STPG2: variants seen among roughly 807,000 people sequenced by gnomAD.
The protein encoded by STPG2 is sperm tail PG-rich repeat containing 2.
A neutral mutation model predicts 54.2 loss-of-function variants in STPG2; 56 were observed. That is an observed-to-expected ratio of 1.03 (90% confidence interval 0.83 to 1.29). STPG2 has a LOEUF of 1.29. Ranked by LOEUF, STPG2 falls within the 50% of genes most tolerant of loss-of-function variation. The probability of loss-of-function intolerance (pLI) is 0.00; values close to 1 mark genes in which losing one functional copy is unlikely to be tolerated. For synonymous variants in STPG2, 200 were observed against 181.8 expected (o/e 1.10, Z -0.81); for missense variants, 596 against 544.9 (o/e 1.09, Z -0.93).
chr4:97,461,954 AT>A (rs1183255847), intron 4 of STPG2, among the ~76,000 whole-genome samples: 8 of 152,108 alleles, frequency 5.3e-5, no homozygotes, highest in Admixed American at 2.6e-4. Context: ...ATTGAATGTC[AT>A]TCAATATATC....
intron 8 of STPG2, among the ~76,000 whole-genome samples, chr4:97,928,915 T>C (rs759461858): frequency 6.6e-6 from 1 of 152,132 alleles, no homozygotes; most frequent in Non-Finnish European, 1.5e-5. Flanking sequence ...TGGGGGTCCA[T>C]GTGAAGGTTT....
chr4:97,699,938 G>T (rs565206310), intron 10 of STPG2, among the ~76,000 whole-genome samples: 1 of 152,306 alleles, frequency 6.6e-6, no homozygotes, highest in East Asian at 1.9e-4. Flanking sequence ...TTTAATGAGA[G>T]AATGCTGCTG....
intron 9 of STPG2, 86 bp downstream of exon 9, chr4:97,840,687 A>G: frequency 6.9e-7 from 1 of 1,458,798 alleles, no homozygotes; most frequent in Non-Finnish European, 9.3e-7. Flanking sequence ...TTCAGTCTCC[A>G]AGAACCTATC....
chr4:97,799,226 C>CAT (rs1560533164), intron 9 of STPG2, among the ~76,000 whole-genome samples: 95 of 151,066 alleles, frequency 6.3e-4, no homozygotes, highest in African/African-American at 2.2e-3. Flanking sequence ...TCCTGTCATT[C>CAT]TGATGTTAGC....
At chr4:97,769,925 A>C (rs1726170404) in intron 9 of STPG2, among the ~76,000 whole-genome samples, 1 of 152,188 alleles carries the variant, frequency 6.6e-6, no homozygotes, top group Non-Finnish European at 1.5e-5. Context: ...AATATGAAAT[A>C]AGAGTCCAGG....
intron 5 of STPG2, among the ~76,000 whole-genome samples, chr4:98,084,132 T>C (rs569910001): frequency 5.3e-5 from 8 of 152,172 alleles, no homozygotes; most frequent in Non-Finnish European, 1.2e-4. Flanking sequence ...GCATGAACTA[T>C]CTGCCTGCCC....
chr4:97,991,009 C>A (rs1456489402), intron 5 of STPG2, among the ~76,000 whole-genome samples: 1 of 152,030 alleles, frequency 6.6e-6, no homozygotes, highest in Non-Finnish European at 1.5e-5. Flanking sequence ...TTGGAGCACC[C>A]ATCACCCAGG....
chr4:97,976,567 G>A (rs1033502348), intron 6 of STPG2, among the ~76,000 whole-genome samples: 1 of 152,148 alleles, frequency 6.6e-6, no homozygotes. Context: ...TGCTATGGGA[G>A]AGTTAAAAGG....
At chr4:97,863,169 G>T (rs567970829) in intron 8 of STPG2, among the ~76,000 whole-genome samples, 1 of 152,100 alleles carries the variant, frequency 6.6e-6, no homozygotes, top group African/African-American at 2.4e-5. Flanking sequence ...CCAGTTTTTT[G>T]AAAAGATCAA....
intron 9 of STPG2, among the ~76,000 whole-genome samples, chr4:97,831,569 A>T (rs1728462978): frequency 6.6e-6 from 1 of 152,172 alleles, no homozygotes; most frequent in South Asian, 2.1e-4. Flanking sequence ...CTTTCAAAAA[A>T]TCAATGAATC....
intron 5 of STPG2, among the ~76,000 whole-genome samples, chr4:98,006,723 G>T (rs1218987684): frequency 6.6e-6 from 1 of 152,176 alleles, no homozygotes; most frequent in African/African-American, 2.4e-5. Context: ...TAGGTAGCAA[G>T]ATTTGAGGCC....
chr4:98,119,371 T>C (rs1376119723), intron 3 of STPG2, among the ~76,000 whole-genome samples: 1 of 151,938 alleles, frequency 6.6e-6, no homozygotes, highest in East Asian at 1.9e-4. Flanking sequence ...AAATAAACTG[T>C]ACTCTTCAAA....
intron 9 of STPG2, among the ~76,000 whole-genome samples, chr4:97,802,028 G>C (rs558584895): frequency 5.9e-5 from 9 of 152,152 alleles, no homozygotes; most frequent in Non-Finnish European, 8.8e-5. Flanking sequence ...TCCACCTCTA[G>C]AGTGTCTGAA....
At chr4:97,794,011 A>G (rs548106662) in intron 9 of STPG2, among the ~76,000 whole-genome samples, 6 of 152,146 alleles carry the variant, frequency 3.9e-5, no homozygotes, top group African/African-American at 1.4e-4. Flanking sequence ...GAGGTTGTTG[A>G]TTGTAACTAA....
intron 5 of STPG2, among the ~76,000 whole-genome samples, chr4:98,026,842 T>G (rs951865646): frequency 1.3e-5 from 2 of 152,206 alleles, no homozygotes; most frequent in African/African-American, 4.8e-5. Flanking sequence ...ACAGTACATT[T>G]GTAGAGGCTT....
At chr4:97,625,848 T>A (rs1321164904) in intron 10 of STPG2, among the ~76,000 whole-genome samples, 2 of 152,206 alleles carry the variant, frequency 1.3e-5, no homozygotes, top group Non-Finnish European at 2.9e-5. Flanking sequence ...GCCTGAAACA[T>A]TAGCTTTTAA....
chr4:97,992,774 C>G (rs1191038385), intron 5 of STPG2, among the ~76,000 whole-genome samples: 2 of 152,084 alleles, frequency 1.3e-5, no homozygotes, highest in East Asian at 3.9e-4. Context: ...TGATTTCTTT[C>G]AGCAGTGTAG....
At chr4:97,679,477 G>GT (rs1267830546) in intron 10 of STPG2, among the ~76,000 whole-genome samples, 15 of 151,592 alleles carry the variant, frequency 9.9e-5, no homozygotes, top group South Asian at 4.2e-4. Context: ...GGGGTTGTTT[G>GT]TTTTTTTCTT....
intron 9 of STPG2, among the ~76,000 whole-genome samples, chr4:97,730,343 T>C (rs1409814412): frequency 6.6e-6 from 1 of 152,244 alleles, no homozygotes; most frequent in Non-Finnish European, 1.5e-5. Flanking sequence ...TTCATTCTTT[T>C]TATGGCTGTG....
Sources: gnomAD v4.1 joint callset for allele counts (sites outside exome capture counted in the v4.1 genomes callset) on GRCh38, gnomAD v4.1.1 for gene constraint, MANE v1.5 for transcripts, NCBI Gene and HGNC (gene_info 2026-07-23, HGNC 2026-07-21) for gene names.